Variants in COL28A1 observed in about 807,000 individuals in gnomAD.
COL28A1 encodes the protein collagen alpha-1(XXVIII) chain.
A neutral mutation model predicts 150.2 loss-of-function variants in COL28A1; 161 were observed. The observed-to-expected ratio is 1.07, with a 90% confidence interval of 0.94 to 1.22. The LOEUF (loss-of-function observed/expected upper bound fraction) is 1.22, where lower values mean the gene tolerates loss of function less well. Among genes scored for constraint, COL28A1 ranks in the 50% most tolerant of loss-of-function variants. The pLI, the probability that COL28A1 is intolerant of heterozygous loss-of-function variation, is 0.00. For missense variants in COL28A1, 1,617 were observed against 1,388.3 expected (o/e 1.16, Z -2.62); for synonymous variants, 552 against 469.7 (o/e 1.18, Z -2.26).
intron 33 of COL28A1, among the ~76,000 whole-genome samples, chr7:7,367,480 G>A (rs563084305): frequency 6.6e-6 from 1 of 152,144 alleles, no homozygotes; most frequent in African/African-American, 2.4e-5. Flanking sequence ...GGCACTATCC[G>A]AGAAGGTCAA....
chr7:7,416,648 T>C (rs1784090303), intron 27 of COL28A1, among the ~76,000 whole-genome samples: 1 of 152,338 alleles, frequency 6.6e-6, no homozygotes, highest in Middle Eastern at 3.4e-3. Flanking sequence ...TTGTACAATA[T>C]GGGCAACATG....
rs773530106 is a variant in COL28A1 at position 7,490,637 on chromosome 7, C to A, written c.1036G>T (p.Gly346Cys). 3 of 1,274,212 alleles carry A rather than the reference C, an allele frequency of 2.4e-6. No individual in the cohort carries two copies. Among genetic ancestry groups the A allele is most frequent in the Non-Finnish European group, 3.4e-6 (3 of 870,792 alleles). 78.9% of individuals were successfully genotyped at this position (1,274,212 alleles called of 1,614,324 possible). The part of the protein sequence containing the change: ...KGFQGNKGEP[G>C]PPGPYGSPGA... The stretch of plus-strand genomic sequence containing the variant: ...GGAGAACCATAAGGACCAGGAGGAC[C>A]TGGCTCACCCTGGAGGAAGAAATAG... The change falls in exon 12 of 35, where the codon GGT (glycine) becomes TGT (cysteine). Residue 346 changes from glycine (G) to cysteine (C), a missense_variant. Transcript: ENST00000399429.
chr7:7,419,826 CA>C (rs750235247), intron 26 of COL28A1, 58 bp downstream of exon 26: 5 of 1,113,752 alleles, frequency 4.5e-6, no homozygotes, highest in Non-Finnish European at 6.3e-6. Context: ...AGTTACTGTT[CA>C]CTTGTTTGTC....
the COL28A1 span, among the ~76,000 whole-genome samples, chr7:7,338,464 G>T: frequency 1.3e-5 from 2 of 152,004 alleles, no homozygotes; most frequent in Non-Finnish European, 2.9e-5. Context: ...ATTGTAAATA[G>T]GATTGTGTTC....
chr7:7,353,012 C>T (rs1162406986), downstream of COL28A1, among the ~76,000 whole-genome samples: 3 of 152,182 alleles, frequency 2.0e-5, no homozygotes, highest in Non-Finnish European at 4.4e-5. Context: ...CACTGTATTA[C>T]TCTCTTCCAA....
In COL28A1 at chr7:7,417,848, T is replaced by C; in HGVS notation, c.2136+11A>G. The stretch of plus-strand genomic sequence containing the variant: ...ATCAGAGGTGACTCCAGCACAACCC[T>C]ATTCACTTACTTTAATTCCCTGTGA... On this transcript the variant is annotated intron_variant, in intron 27 of 34. Coordinates refer to ENST00000399429, the MANE Select transcript of COL28A1 (RefSeq NM_001037763.3). 6.2e-7 allele frequency: 1 copy of C among 1,611,468 alleles called. No individual in the cohort carries two copies. The highest frequency in any genetic ancestry group is 8.5e-7 in the Non-Finnish European group (1 of 1,178,064).
chr7:7,358,687 T>C lies in COL28A1; in HGVS notation c.3324A>G (p.Ser1108=). Residue 1108 remains serine (S), a synonymous_variant, in exon 35 of 35, where the codon TCA becomes TCG. Transcript: ENST00000399429. ...CCTTTTCACTGTTGAATCTATTTCC[T>C]GAGCCATTACAGCCACTGAACCAAA... ...ARFWFSGCNG[S]GNRFNSEKEC... 1 of 1,614,084 alleles carries C rather than the reference T, an allele frequency of 6.2e-7. No homozygotes were observed. The highest frequency in any genetic ancestry group is 1.1e-5 in the South Asian group (1 of 91,078).
chr7:7,450,457 T>C (rs1490956732), intron 18 of COL28A1, among the ~76,000 whole-genome samples: 2 of 152,092 alleles, frequency 1.3e-5, no homozygotes, highest in Non-Finnish European at 2.9e-5. Context: ...GTGAAAAAAA[T>C]AAGTCAGAGC....
At chr7:7,344,937 A>G in the COL28A1 span, among the ~76,000 whole-genome samples, 1 of 152,062 alleles carries the variant, frequency 6.6e-6, no homozygotes, top group Non-Finnish European at 1.5e-5. Context: ...ATTACAGCGC[A>G]AGATCAAATT....
intron 34 of COL28A1, among the ~76,000 whole-genome samples, chr7:7,359,335 T>C (rs1166370417): frequency 6.6e-6 from 1 of 151,746 alleles, no homozygotes; most frequent in African/African-American, 2.4e-5. Flanking sequence ...ATATTACAAT[T>C]ATAGTTTTAA....
At chr7:7,495,118 A>G (rs1405781869) in intron 11 of COL28A1, among the ~76,000 whole-genome samples, 1 of 152,228 alleles carries the variant, frequency 6.6e-6, no homozygotes, top group Non-Finnish European at 1.5e-5. Flanking sequence ...CACATTAAGA[A>G]ATAAAAAAAC....
chr7:7,515,802 T>C lies in COL28A1; in HGVS notation c.882+12A>G, dbSNP rs189702903. 7 of 1,021,932 alleles carry C rather than the reference T, an allele frequency of 6.8e-6. No homozygotes were observed. The highest frequency in any genetic ancestry group is 9.3e-6 in the Non-Finnish European group (6 of 642,134). 63.3% of individuals were successfully genotyped at this position (1,021,932 alleles called of 1,614,324 possible). ...GAAATTCTGGTCAATCTATTTGTTG[T>C]TACCAACTTACCTTGTCACCCTTGT... On this transcript the variant is annotated intron_variant, in intron 8 of 34. Transcript: ENST00000399429.
intron 15 of COL28A1, among the ~76,000 whole-genome samples, chr7:7,466,426 A>T (rs936032637): frequency 1.5e-5 from 2 of 132,210 alleles, no homozygotes; most frequent in African/African-American, 5.9e-5. Flanking sequence ...AAAAGAAATG[A>T]GCAAAGCCTC....
chr7:7,443,189 A>C (rs1785947183), intron 20 of COL28A1, among the ~76,000 whole-genome samples: 1 of 152,230 alleles, frequency 6.6e-6, no homozygotes, highest in South Asian at 2.1e-4. Context: ...AAATAGATTT[A>C]TGCCAAGTTG....
chr7:7,368,674 C>T (rs1372690195), intron 33 of COL28A1, among the ~76,000 whole-genome samples: 1 of 152,106 alleles, frequency 6.6e-6, no homozygotes, highest in African/African-American at 2.4e-5. Flanking sequence ...GTCTCTCAGC[C>T]ATGTGAAGAC....
intron 27 of COL28A1, 66 bp from the exon 28 acceptor site, chr7:7,381,678 C>A: frequency 8.8e-7 from 1 of 1,138,952 alleles, no homozygotes; most frequent in South Asian, 1.2e-5. Flanking sequence ...TTCTTTGGGT[C>A]AGAAACACAC....
At chr7:7,410,735 T>C (rs1783741931) in intron 27 of COL28A1, among the ~76,000 whole-genome samples, 1 of 152,088 alleles carries the variant, frequency 6.6e-6, no homozygotes. Flanking sequence ...TTAAAATATA[T>C]GTGTGTTGCT....
At chr7:7,462,688 G>A (rs1371614077) in intron 15 of COL28A1, among the ~76,000 whole-genome samples, 2 of 151,908 alleles carry the variant, frequency 1.3e-5, no homozygotes, top group African/African-American at 2.4e-5. Context: ...GAGAAACCCC[G>A]TCTCTACTAA....
chr7:7,342,738 A>G, the COL28A1 span, among the ~76,000 whole-genome samples: 1 of 151,906 alleles, frequency 6.6e-6, no homozygotes, highest in Non-Finnish European at 1.5e-5. Context: ...ATACATTACC[A>G]TTGTTTTGCA....
Sources: gnomAD v4.1 joint callset for allele counts (sites outside exome capture counted in the v4.1 genomes callset) on GRCh38, gnomAD v4.1.1 for gene constraint, MANE v1.5 for transcripts, NCBI Gene and HGNC (gene_info 2026-07-23, HGNC 2026-07-21) for gene names.